DIP2C: variants seen among roughly 807,000 people sequenced by gnomAD.
DIP2C encodes DIP2 acetate--CoA ligase C (putative).
Under a neutral mutation model 192.4 loss-of-function variants are expected in DIP2C, and 33 were observed. That is an observed-to-expected ratio of 0.17 (90% CI 0.13 to 0.23). The LOEUF (loss-of-function observed/expected upper bound fraction) is 0.23. Among genes scored for constraint, DIP2C ranks in the 10% least tolerant of loss-of-function variants. The probability of loss-of-function intolerance (pLI) is 1.00; values close to 1 mark genes in which losing one functional copy is unlikely to be tolerated. For missense variants in DIP2C, 1,537 were observed against 2,110.1 expected, an observed-to-expected ratio of 0.73 and a Z score of 5.32; for synonymous variants, 979 against 864.1, an observed-to-expected ratio of 1.13 and a Z score of -2.33.
chr10:447,218 T>C (rs1255377457), intron 3 of DIP2C, among the ~76,000 whole-genome samples: 58 of 116,410 alleles, frequency 5.0e-4, no homozygotes, highest in Middle Eastern at 6.2e-3. Flanking sequence ...GACCCACTCA[T>C]CCCCATCTAT....
intron 1 of DIP2C, among the ~76,000 whole-genome samples, chr10:504,187 G>A (rs546531739): frequency 6.6e-6 from 1 of 152,316 alleles, no homozygotes; most frequent in East Asian, 1.9e-4. Context: ...CCTTGGGCTG[G>A]AGACCCACAG....
At chr10:504,983 T>C (rs1422945335) in intron 1 of DIP2C, among the ~76,000 whole-genome samples, 1 of 152,156 alleles carries the variant, frequency 6.6e-6, no homozygotes, top group African/African-American at 2.4e-5. Context: ...CGTTCATTCA[T>C]TCATTCATTC....
intron 1 of DIP2C, among the ~76,000 whole-genome samples, chr10:648,984 C>A (rs1036479395): frequency 6.7e-6 from 1 of 148,228 alleles, no homozygotes; most frequent in South Asian, 2.2e-4. Context: ...TGGGAGACAA[C>A]AGAGGGAAAC....
At chr10:624,084 T>C (rs1328868490) in intron 1 of DIP2C, among the ~76,000 whole-genome samples, 1 of 152,166 alleles carries the variant, frequency 6.6e-6, no homozygotes, top group African/African-American at 2.4e-5. Context: ...AGCCCCTGAG[T>C]GCGAGGACTC....
At chr10:380,629 T>G (rs1589661518) in intron 17 of DIP2C, among the ~76,000 whole-genome samples, 1 of 152,216 alleles carries the variant, frequency 6.6e-6, no homozygotes, top group South Asian at 2.1e-4. Context: ...GCCGAACACT[T>G]GTCTTTCTTC....
In DIP2C at chr10:689,303, G is replaced by A. The variant is rs565610010; in HGVS notation, c.85+191C>T. The stretch of plus-strand genomic sequence containing the variant: ...CCACAAACGTCCCCAGAGCGCGGGG[G>A]ATCGCGGCCTCACAAACGTCCCTAG... On this transcript the variant is annotated intron_variant, in intron 1 of 36. Transcript: ENST00000280886. The surrounding 1 kb of genome is among the most constrained non-coding windows in gnomAD (Gnocchi z 6.1). 6.6e-6 allele frequency among the ~76,000 whole-genome samples: 1 copy of A among 151,464 alleles called. No homozygotes were observed. The highest frequency in any genetic ancestry group is 2.4e-5 in the African/African-American group (1 of 41,292).
At chr10:619,376 C>T (rs1329158987) in intron 1 of DIP2C, among the ~76,000 whole-genome samples, 1 of 152,210 alleles carries the variant, frequency 6.6e-6, no homozygotes, top group African/African-American at 2.4e-5. Context: ...GGGAAGCGAC[C>T]GTCTCCTTGC....
chr10:432,125 T>C (rs1174368209), intron 4 of DIP2C, among the ~76,000 whole-genome samples: 8 of 152,218 alleles, frequency 5.3e-5, no homozygotes, highest in African/African-American at 1.7e-4. Flanking sequence ...TGCTAATATT[T>C]TGTTGAAGGT....
chr10:638,763 G>C (rs1854973719), intron 1 of DIP2C, among the ~76,000 whole-genome samples: 1 of 152,194 alleles, frequency 6.6e-6, no homozygotes, highest in African/African-American at 2.4e-5. Context: ...TATTCACCCA[G>C]GACACTAGAA....
rs115200265 is a variant in DIP2C, at chr10:535,550, A to G, written c.86-49020T>C. On this transcript the variant is annotated intron_variant, in intron 1 of 36. Coordinates refer to ENST00000280886, the MANE Select transcript of DIP2C (RefSeq NM_014974.3). The stretch of plus-strand genomic sequence containing the variant: ...TGTTACCTATTTTACCTTAAGCTAA[A>G]AATGGTTCCCATTTACACTCTGCAG... Among the ~76,000 whole-genome samples the G allele has an allele frequency of 5.5e-3, 832 of 152,180 alleles. 10 individuals carry two copies. The highest frequency in any genetic ancestry group is 0.019 in the African/African-American group (781 of 41,524).
At chr10:294,334 A>G (rs1955641820) in intron 32 of DIP2C, among the ~76,000 whole-genome samples, 2 of 152,102 alleles carry the variant, frequency 1.3e-5, no homozygotes, top group African/African-American at 2.4e-5. Context: ...GGGTGCATCA[A>G]TATGCTGGGT....
At chr10:398,928 T>G (rs962114658) in intron 10 of DIP2C, among the ~76,000 whole-genome samples, 181 bp downstream of exon 10, 2 of 152,134 alleles carry the variant, frequency 1.3e-5, no homozygotes, top group Non-Finnish European at 2.9e-5. Context: ...CAAGCTGTGC[T>G]CCACCTCCAG....
intron 29 of DIP2C, among the ~76,000 whole-genome samples, chr10:337,838 T>C (rs61726794): frequency 5.5e-4 from 61 of 111,856 alleles, no homozygotes; most frequent in Middle Eastern, 5.1e-3. Flanking sequence ...GTGTGTGTGT[T>C]GTGGAGGCCT....
chr10:509,575 G>A (rs989435279), intron 1 of DIP2C, among the ~76,000 whole-genome samples: 6 of 152,186 alleles, frequency 3.9e-5, no homozygotes, highest in African/African-American at 1.4e-4. Context: ...GACTCTGTGC[G>A]GTAAGGGCTG....
intron 11 of DIP2C, 23 bp from the exon 12 acceptor site, chr10:390,396 C>A: frequency 6.2e-7 from 1 of 1,604,882 alleles, no homozygotes; most frequent in Non-Finnish European, 8.5e-7. Context: ...CAACAAGTTC[C>A]TTTTAAATGT....
In DIP2C at chr10:492,285, G is replaced by A. The variant is rs1844504134; in HGVS notation, c.86-5755C>T. Among the ~76,000 whole-genome samples, 4 of 152,328 alleles carry A rather than the reference G, an allele frequency of 2.6e-5. No individual in the cohort carries two copies. In the South Asian group the frequency reaches 8.3e-4, roughly 32 times the overall value. On this transcript the variant is annotated intron_variant, in intron 1 of 36. Coordinates refer to ENST00000280886, the MANE Select transcript of DIP2C (RefSeq NM_014974.3). Reference sequence around the variant, plus strand: ...GAGGCTTCTCCCTGCTGTTTGGGCTGTGACCAAACTCCCCACAGGGCCTCC... The same window carrying A: ...GAGGCTTCTCCCTGCTGTTTGGGCTATGACCAAACTCCCCACAGGGCCTCC...
At chr10:385,291 T>C (rs767538108) in intron 14 of DIP2C, among the ~76,000 whole-genome samples, 5 of 152,188 alleles carry the variant, frequency 3.3e-5, no homozygotes, top group Non-Finnish European at 5.9e-5. Flanking sequence ...TGTGACACGG[T>C]AGGGTCTGGG....
chr10:308,426 A>G (rs1422895477), intron 32 of DIP2C, among the ~76,000 whole-genome samples: 1 of 150,324 alleles, frequency 6.7e-6, no homozygotes, highest in Non-Finnish European at 1.5e-5. Context: ...TTTGAGGGCC[A>G]GGCCACAGAC....
At chr10:575,590 T>C (rs1057035703) in intron 1 of DIP2C, among the ~76,000 whole-genome samples, 1 of 152,130 alleles carries the variant, frequency 6.6e-6, no homozygotes, top group South Asian at 2.1e-4. Flanking sequence ...TGCAAAAACA[T>C]AGCTCAGCAT....
Sources: gnomAD v4.1 joint callset for allele counts (sites outside exome capture counted in the v4.1 genomes callset) on GRCh38, gnomAD v4.1.1 for gene constraint, Gnocchi (gnomAD v3.1) non-coding constraint, MANE v1.5 for transcripts, NCBI Gene and HGNC (gene_info 2026-07-23, HGNC 2026-07-21) for gene names.